The following IL1R2 variants were observed in gnomAD, a reference collection of about 807,000 sequenced individuals.
IL1R2 encodes interleukin-1 receptor type 2.
Under a neutral mutation model 39.5 loss-of-function variants are expected in IL1R2, and 46 were observed. The observed-to-expected ratio is 1.16, with a 90% CI of 0.92 to 1.49. The LOEUF is 1.49. Ranked by LOEUF, IL1R2 falls within the 40% of genes most tolerant of loss-of-function variation. The pLI is 0.00. For synonymous variants in IL1R2, 207 were observed against 189.6 expected (o/e 1.09, Z -0.75); for missense variants, 537 against 502.0 (o/e 1.07, Z -0.67).
At chr2:102,026,363 C>A in intron 8 of IL1R2, 110 bp downstream of exon 8, 2 of 918,794 alleles carry the variant, frequency 2.2e-6, no homozygotes, top group Non-Finnish European at 1.6e-6. Context: ...AATTCCCTTG[C>A]ATTGTCTGCT....
At chr2:101,995,359 G>A (rs1365540245) in intron 1 of IL1R2, among the ~76,000 whole-genome samples, 2 of 152,068 alleles carry the variant, frequency 1.3e-5, no homozygotes, top group Admixed American at 6.5e-5. Context: ...CCTCAGGGCA[G>A]GAAACATGGG....
chr2:102,005,060 G>A (rs1676178092), intron 1 of IL1R2, among the ~76,000 whole-genome samples: 1 of 152,238 alleles, frequency 6.6e-6, no homozygotes, highest in South Asian at 2.1e-4. Flanking sequence ...CCTGTAGAAA[G>A]AAGAGACTTG....
At chr2:102,013,551 AAG>A (rs1491545105) in intron 3 of IL1R2, among the ~76,000 whole-genome samples, 3,827 of 118,758 alleles carry the variant, frequency 0.032, 160 homozygotes, top group East Asian at 0.054. Context: ...AAAAAAAAAA[AAG>A]GAAAGAAAGA....
chr2:102,005,399 C>T (rs1676197860), intron 1 of IL1R2, among the ~76,000 whole-genome samples: 1 of 152,172 alleles, frequency 6.6e-6, no homozygotes, highest in African/African-American at 2.4e-5. Context: ...GGCTCCTTCC[C>T]CTGGGATCTT....
At chr2:101,992,218 G>T (rs1445792281) in intron 1 of IL1R2, among the ~76,000 whole-genome samples, 1 of 151,694 alleles carries the variant, frequency 6.6e-6, no homozygotes, top group Non-Finnish European at 1.5e-5. Flanking sequence ...GAAAGAGGCA[G>T]AGAAACAGAG....
At chr2:101,995,320 A>G (rs1047804249) in intron 1 of IL1R2, among the ~76,000 whole-genome samples, 1 of 152,154 alleles carries the variant, frequency 6.6e-6, no homozygotes, top group Non-Finnish European at 1.5e-5. Flanking sequence ...TTGGCCTTGA[A>G]GAAACAAACT....
chr2:101,993,956 A>G (rs1237954155), intron 1 of IL1R2, among the ~76,000 whole-genome samples: 1 of 151,748 alleles, frequency 6.6e-6, no homozygotes, highest in African/African-American at 2.4e-5. Flanking sequence ...CCTCCTGCAC[A>G]CTCACCTCTT....
At chr2:101,995,350 C>T (rs1407340400) in intron 1 of IL1R2, among the ~76,000 whole-genome samples, 1 of 151,756 alleles carries the variant, frequency 6.6e-6, no homozygotes, top group African/African-American at 2.4e-5. Context: ...TAGAGAGGAC[C>T]TCAGGGCAGG....
chr2:102,026,717 C>T (rs112222109), intron 8 of IL1R2, among the ~76,000 whole-genome samples: 1 of 152,284 alleles, frequency 6.6e-6, no homozygotes, highest in African/African-American at 2.4e-5. Flanking sequence ...TACAAGGCTA[C>T]AGCCAAATCA....
intron 4 of IL1R2, among the ~76,000 whole-genome samples, chr2:102,017,726 T>C (rs1677098167): frequency 6.6e-6 from 1 of 151,430 alleles, no homozygotes; most frequent in African/African-American, 2.4e-5. Context: ...GTCGGTAAAT[T>C]AAGTTTCACT....
chr2:102,016,327 C>A lies in IL1R2; in HGVS notation c.513+276C>A, dbSNP rs909138001. 1.2e-4 allele frequency: 32 copies of A among 261,066 alleles called. No individual in the cohort carries two copies. The South Asian group carries it at 2.3e-3, about 19-fold the overall frequency. 16.2% of individuals were successfully genotyped at this position (261,066 alleles called of 1,614,324 possible). ...GTGCATCATCTACTGTCACATGCTG[C>A]ATGACAAAGTTTCAGTCAACAGTAG... On this transcript the variant is annotated intron_variant, in intron 4 of 8. Coordinates refer to ENST00000332549, the MANE Select transcript of IL1R2 (RefSeq NM_004633.4).
intron 4 of IL1R2, among the ~76,000 whole-genome samples, chr2:102,017,861 T>C (rs1004330298): frequency 8.5e-5 from 13 of 152,160 alleles, no homozygotes; most frequent in Admixed American, 3.3e-4. Flanking sequence ...CCTGAAAACA[T>C]TGGTCAACTC....
chr2:102,006,873 C>A (rs189068508), intron 1 of IL1R2, among the ~76,000 whole-genome samples: 1 of 152,200 alleles, frequency 6.6e-6, no homozygotes, highest in African/African-American at 2.4e-5. Context: ...TGAGTTAGTT[C>A]CCAGTGTGGC....
chr2:102,002,475 G>A (rs1481865410), intron 1 of IL1R2, among the ~76,000 whole-genome samples: 4 of 151,152 alleles, frequency 2.6e-5, no homozygotes, highest in Non-Finnish European at 4.4e-5. Context: ...GTCTGTGTCT[G>A]TGTCTGTGTC....
chr2:102,009,304 T>G (rs1042079810), intron 2 of IL1R2, among the ~76,000 whole-genome samples: 1 of 152,242 alleles, frequency 6.6e-6, no homozygotes, highest in East Asian at 1.9e-4. Context: ...GATTTAACTT[T>G]CTTCACAAAA....
At chr2:101,992,748 C>CAGAG (rs537740781) in intron 1 of IL1R2, among the ~76,000 whole-genome samples, 1 of 151,252 alleles carries the variant, frequency 6.6e-6, no homozygotes, top group East Asian at 1.9e-4. Flanking sequence ...AACACAGAGA[C>CAGAG]AGAGAGAGAG....
At chr2:102,013,554 G>GAAAAAAAAAAAAAAAAAAAAA (rs1577711343) in intron 3 of IL1R2, among the ~76,000 whole-genome samples, 8 of 31,676 alleles carry the variant, frequency 2.5e-4, no homozygotes, top group East Asian at 9.7e-4. Flanking sequence ...AAAAAAAAAG[G>GAAAAAAAAAAAAAAAAAAAAA]AAAGAAAGAA....
At chr2:102,023,773 C>T (rs1677542182) in intron 6 of IL1R2, among the ~76,000 whole-genome samples, 1 of 152,068 alleles carries the variant, frequency 6.6e-6, no homozygotes, top group African/African-American at 2.4e-5. Flanking sequence ...TTTGGCTGGG[C>T]GTGGTGGCTC....
chr2:102,008,169 G>A (rs1676379988), intron 1 of IL1R2, among the ~76,000 whole-genome samples: 1 of 152,222 alleles, frequency 6.6e-6, no homozygotes, highest in Non-Finnish European at 1.5e-5. Flanking sequence ...AGAAAGTGAA[G>A]TCCGAGCAGA....
Sources: allele counts gnomAD v4.1 joint callset (sites outside exome capture counted in the v4.1 genomes callset), GRCh38; gene constraint gnomAD v4.1.1; transcripts MANE v1.5; gene names NCBI Gene and HGNC (gene_info 2026-07-23, HGNC 2026-07-21).